Variants in SYT6 observed in about 807,000 individuals in gnomAD.
The protein encoded by SYT6 is synaptotagmin 6, also known as synaptotagmin-6.
In SYT6, 24 loss-of-function variants were observed where a neutral mutation model predicts 38.4. The ratio of observed to expected loss-of-function variants is 0.62; its 90% CI spans 0.45 to 0.88. The LOEUF (loss-of-function observed/expected upper bound fraction) is 0.88. Among genes scored for constraint, SYT6 ranks in the 40% least tolerant of loss-of-function variants. The pLI, the probability that SYT6 is intolerant of heterozygous loss-of-function variation, is 0.00. For missense variants in SYT6, 611 were observed against 621.0 expected (o/e 0.98, Z 0.17); for synonymous variants, 265 against 241.9 (o/e 1.10, Z -0.89).
chr1:114,104,767 G>A (rs114046092), intron 3 of SYT6, among the ~76,000 whole-genome samples: 2,459 of 152,006 alleles, frequency 0.016, 64 homozygotes, highest in African/African-American at 0.056. Flanking sequence ...ATATAGGAGA[G>A]AACAAAACAG....
chr1:114,121,180 ATC>A (rs1677380196), intron 3 of SYT6, among the ~76,000 whole-genome samples: 1 of 152,172 alleles, frequency 6.6e-6, no homozygotes, highest in Admixed American at 6.5e-5. Flanking sequence ...TACTCCTAAC[ATC>A]TCAGAATGCT....
Position 114,130,462 on chromosome 1 carries a change from C to T in SYT6, c.1071+7033G>A, listed in dbSNP as rs545743650. ...TCCTCCTGCTAGGTGCTCTTTGCTG[C>T]CTGACCCTCTTTCTCCTTCATCCTG... On this transcript the variant is annotated intron_variant, in intron 3 of 7. Coordinates refer to ENST00000610222, the MANE Select transcript of SYT6 (RefSeq NM_001253772.2). Among the ~76,000 whole-genome samples, 13 of 152,248 alleles carry T rather than the reference C, an allele frequency of 8.5e-5. 1 individual carries two copies. In the South Asian group the frequency reaches 1.9e-3, roughly 22 times the overall value.
intron 3 of SYT6, among the ~76,000 whole-genome samples, chr1:114,116,064 C>T (rs1033117287): frequency 3.3e-5 from 5 of 152,168 alleles, no homozygotes; most frequent in African/African-American, 7.2e-5. Flanking sequence ...AGAATATTAC[C>T]TCCCTTCTGC....
chr1:114,144,694 A>G (rs2629824), intron 1 of SYT6, among the ~76,000 whole-genome samples: 113,537 of 151,992 alleles, frequency 0.75, 43,617 homozygotes, highest in African/African-American at 0.93. Flanking sequence ...AGTTCTGAGC[A>G]AGGCTTGAAT....
At chr1:114,148,561 A>G (rs1469003540) in intron 1 of SYT6, among the ~76,000 whole-genome samples, 1 of 152,238 alleles carries the variant, frequency 6.6e-6, no homozygotes, top group Non-Finnish European at 1.5e-5. Context: ...CACAGCCCAG[A>G]GGCCAGGGAG....
At chr1:114,093,036 T>C (rs1276393309) in intron 7 of SYT6, among the ~76,000 whole-genome samples, 2 of 152,152 alleles carry the variant, frequency 1.3e-5, no homozygotes, top group Non-Finnish European at 2.9e-5. Context: ...AAGATGGCCT[T>C]CCTGACCTGG....
At chr1:114,111,849 G>A (rs1164460147) in intron 3 of SYT6, among the ~76,000 whole-genome samples, 1 of 151,848 alleles carries the variant, frequency 6.6e-6, no homozygotes, top group African/African-American at 2.4e-5. Context: ...GGAGAGAGGA[G>A]CTGTGGGAGT....
chr1:114,145,463 G>A (rs1679105472), intron 1 of SYT6, among the ~76,000 whole-genome samples: 1 of 147,218 alleles, frequency 6.8e-6, no homozygotes, highest in South Asian at 2.2e-4. Context: ...GAACATGTAT[G>A]TAACTTGGGA....
chr1:114,142,369 C>T (rs191994305), intron 1 of SYT6, among the ~76,000 whole-genome samples: 137 of 152,236 alleles, frequency 9.0e-4, no homozygotes, highest in African/African-American at 3.2e-3. Flanking sequence ...AGCAAGAGAA[C>T]CAGAATTAGA....
intron 3 of SYT6, among the ~76,000 whole-genome samples, chr1:114,125,962 T>A (rs1677704502): frequency 6.6e-6 from 1 of 152,084 alleles, no homozygotes; most frequent in Admixed American, 6.5e-5. Context: ...TGCCTTTAAC[T>A]CCAAATTCTG....
chr1:114,153,024 C>G (rs1303565698), intron 1 of SYT6: 1 of 151,726 alleles, frequency 6.6e-6, no homozygotes, highest in African/African-American at 2.4e-5. Context: ...CCCCTGTCCC[C>G]CGCCCCCCAG....
At position 114,097,790 on chromosome 1, in the gene SYT6, TGC is replaced by T; in HGVS notation, c.1450_1451del (p.Ala484IlefsTer51). 1.2e-6 allele frequency: 2 copies of T among 1,614,210 alleles called. No individual in the cohort carries two copies. Among genetic ancestry groups the T allele is most frequent in the Non-Finnish European group, 1.7e-6 (2 of 1,180,044 alleles). ...AGTGTGCGATGGGCTTCCGGGGGTA[TGC>T]CAGCATCTCGTTCCAGTGGTCCCTG... ...LGRDHWNEML[A>X]YPRKPIAHWH... On this transcript the variant is annotated frameshift_variant, in exon 6 of 8. Transcript: ENST00000610222. LOFTEE classifies it high-confidence loss of function.
intron 3 of SYT6, among the ~76,000 whole-genome samples, chr1:114,118,164 G>T (rs971416061): frequency 2.6e-5 from 4 of 152,208 alleles, no homozygotes; most frequent in Non-Finnish European, 5.9e-5. Context: ...GCTCTTTGCT[G>T]GGAGGTTGCT....
intron 3 of SYT6, among the ~76,000 whole-genome samples, chr1:114,122,506 T>TGTGTGTGTGTGTGTGCGCGCGC (rs60780339): frequency 1.5e-4 from 22 of 147,406 alleles, no homozygotes; most frequent in African/African-American, 4.3e-4. Context: ...TGTGTGTGTG[T>TGTGTGTGTGTGTGTGCGCGCGC]GCGCGCACAT....
chr1:114,098,999 G>T, intron 5 of SYT6, 95 bp downstream of exon 5: 2 of 1,307,974 alleles, frequency 1.5e-6, no homozygotes, highest in African/African-American at 1.5e-5. Flanking sequence ...CTAAAGCTGA[G>T]CCCTGAATCA....
intron 3 of SYT6, among the ~76,000 whole-genome samples, chr1:114,131,852 C>A (rs987502311): frequency 1.3e-5 from 2 of 152,172 alleles, no homozygotes; most frequent in Admixed American, 6.5e-5. Flanking sequence ...CCAGAAATGA[C>A]CAGATTTTGA....
chr1:114,099,615 G>C (rs965970033), intron 4 of SYT6, among the ~76,000 whole-genome samples: 2 of 152,188 alleles, frequency 1.3e-5, no homozygotes, highest in Non-Finnish European at 2.9e-5. Flanking sequence ...GACTCAAAAA[G>C]GTGATGAGGC....
Position 114,091,821 on chromosome 1 carries a change from A to G in SYT6, c.*313T>C. ...ACAAAAACATCACCTTGGGAGACAC[A>G]AAAGACTAAGACAGATCTGACCACA... On this transcript the variant is annotated 3_prime_UTR_variant, in exon 8 of 8. Transcript: ENST00000610222. The G allele has an allele frequency of 2.1e-6, 1 of 469,592 alleles. No homozygotes were observed. The highest frequency in any genetic ancestry group is 3.7e-6 in the Non-Finnish European group (1 of 272,574). The allele number at this position is 469,592 out of a possible 1,614,324, so 29.1% of individuals were successfully genotyped here. A position where few individuals can be genotyped will look rare whatever the true frequency, so the allele number is the denominator to read the frequency against.
intron 5 of SYT6, among the ~76,000 whole-genome samples, chr1:114,098,587 T>G (rs1423427772): frequency 6.6e-6 from 1 of 152,194 alleles, no homozygotes; most frequent in East Asian, 1.9e-4. Flanking sequence ...GGGAAAAGCC[T>G]GGATCACAGG....
Sources: gnomAD v4.1 joint callset for allele counts (sites outside exome capture counted in the v4.1 genomes callset) on GRCh38, gnomAD v4.1.1 for gene constraint, MANE v1.5 for transcripts, NCBI Gene and HGNC (gene_info 2026-07-23, HGNC 2026-07-21) for gene names.